The following NSMAF variants were observed in gnomAD, a reference collection of about 807,000 sequenced individuals.
The protein encoded by NSMAF is neutral sphingomyelinase activation associated factor.
In NSMAF, 90 loss-of-function variants were observed where a neutral mutation model predicts 134.9. That is an observed-to-expected ratio of 0.67 (90% CI 0.56 to 0.79). The LOEUF (loss-of-function observed/expected upper bound fraction) is 0.79. Among genes scored for constraint, NSMAF ranks in the 30% least tolerant of loss-of-function variants. The pLI, the probability that NSMAF is intolerant of heterozygous loss-of-function variation, is 0.00. For synonymous variants in NSMAF, 358 were observed against 389.6 expected, an observed-to-expected ratio of 0.92 and a Z score of 0.96; for missense variants, 1,010 against 1,119.0, an observed-to-expected ratio of 0.90 and a Z score of 1.39.
chr8:58,624,549 AT>A (rs1806873591), intron 6 of NSMAF, among the ~76,000 whole-genome samples: 1 of 150,456 alleles, frequency 6.6e-6, no homozygotes, highest in South Asian at 2.1e-4. Flanking sequence ...TAATTTTCAC[AT>A]ATTCTCAGTT....
chr8:58,616,722 A>G (rs1806662454), intron 9 of NSMAF, among the ~76,000 whole-genome samples: 1 of 152,156 alleles, frequency 6.6e-6, no homozygotes. Context: ...CACCACATCT[A>G]TTAATAAAAC....
chr8:58,595,781 T>C lies in NSMAF; in HGVS notation c.1793-122A>G, dbSNP rs145050534. 8.3e-4 allele frequency: 549 copies of C among 662,060 alleles called. 2 individuals are homozygous for C. In the East Asian group the frequency reaches 0.014, roughly 17 times the overall value. The allele number at this position is 662,060 out of a possible 1,614,324, so 41.0% of individuals were successfully genotyped here. On this transcript the variant is annotated intron_variant, in intron 21 of 30. Coordinates refer to ENST00000038176, the MANE Select transcript of NSMAF (RefSeq NM_003580.4). ...AGAAATGAAACACCCTGTCACAATA[T>C]AACTGCTTTGAAATGTACCTGTTAG...
rs1806162465 is a variant in NSMAF at position 58,597,436 on chromosome 8, T to C, written c.1743A>G (p.Lys581=). 11 of 1,614,056 alleles carry C rather than the reference T, an allele frequency of 6.8e-6. No individual in the cohort carries two copies. The highest frequency in any genetic ancestry group is 9.3e-6 in the Non-Finnish European group (11 of 1,180,028). ...PHPRRITPKF[K]SLSQTSSYNA... ...TATAACTGGAGGTCTGGGACAAACT[T>C]TTAAACTTTGGGGTGATCCTTCGAG... The change falls in exon 21 of 31, where the codon AAA becomes AAG. Residue 581 remains lysine (K), a synonymous_variant. Transcript: ENST00000038176.
In NSMAF at chr8:58,595,553, T is replaced by C. The variant is rs1329595205; in HGVS notation, c.1892+7A>G. On this transcript the variant is annotated splice_region_variant and intron_variant, in intron 22 of 30. Transcript: ENST00000038176. The stretch of plus-strand genomic sequence containing the variant: ...CAGCTGCTGAGAAGAAGCAGAGATA[T>C]TCTTACTCTTTGTGGATTTTATAGT... 2 of 1,593,250 alleles carry C rather than the reference T, an allele frequency of 1.3e-6. No individual in the cohort carries two copies. The highest frequency in any genetic ancestry group is 1.7e-6 in the Non-Finnish European group (2 of 1,160,910).
At chr8:58,649,684 T>C (rs568714145) in intron 1 of NSMAF, among the ~76,000 whole-genome samples, 2 of 152,164 alleles carry the variant, frequency 1.3e-5, no homozygotes, top group Non-Finnish European at 2.9e-5. Context: ...CCGGTTGTGG[T>C]TGTTTAAAAG....
chr8:58,646,864 C>A (rs970075534), intron 1 of NSMAF, among the ~76,000 whole-genome samples: 5 of 152,150 alleles, frequency 3.3e-5, no homozygotes, highest in African/African-American at 4.8e-5. Flanking sequence ...TAGTTTAATC[C>A]TCCTTTACAG....
At chr8:58,603,707 A>C in intron 12 of NSMAF, among the ~76,000 whole-genome samples, 1 of 149,894 alleles carries the variant, frequency 6.7e-6, no homozygotes, top group Non-Finnish European at 1.5e-5. Flanking sequence ...ACAGTAACAA[A>C]GAATCCCTCC....
At chr8:58,585,151 G>C (rs1441762961) in intron 30 of NSMAF, among the ~76,000 whole-genome samples, 1 of 152,018 alleles carries the variant, frequency 6.6e-6, no homozygotes, top group African/African-American at 2.4e-5. Context: ...GAAAAACATG[G>C]GCAGAACAGT....
intron 2 of NSMAF, among the ~76,000 whole-genome samples, chr8:58,640,861 C>T (rs1446764384): frequency 1.3e-5 from 2 of 152,064 alleles, no homozygotes; most frequent in South Asian, 2.1e-4. Flanking sequence ...ACCACCACAC[C>T]TGAACTGTTT....
rs1806231060 is a variant in NSMAF, at chr8:58,599,738, G to A, written c.1453+12C>T. On this transcript the variant is annotated intron_variant, in intron 18 of 30. Transcript: ENST00000038176. The stretch of plus-strand genomic sequence containing the variant: ...CATGTCTATAATACAACACCTCCAA[G>A]GGGGGACTCACTGGAAGCCCAAGGG... The A allele has an allele frequency of 6.2e-7, 1 of 1,612,476 alleles. No homozygotes were observed. The highest frequency in any genetic ancestry group is 8.5e-7 in the Non-Finnish European group (1 of 1,179,124).
At chr8:58,643,418 T>C (rs575016628) in intron 1 of NSMAF, among the ~76,000 whole-genome samples, 2 of 152,300 alleles carry the variant, frequency 1.3e-5, no homozygotes, top group South Asian at 4.1e-4. Flanking sequence ...TTGTTTCCCC[T>C]GACTGAACAA....
At chr8:58,613,594 C>T (rs1333524558) in intron 9 of NSMAF, among the ~76,000 whole-genome samples, 1 of 151,584 alleles carries the variant, frequency 6.6e-6, no homozygotes, top group Non-Finnish European at 1.5e-5. Context: ...GAAATAAATA[C>T]AGAAACAATG....
chr8:58,595,697 A>T (rs1806123411), intron 21 of NSMAF, 38 bp from the exon 22 acceptor site: 1 of 1,210,402 alleles, frequency 8.3e-7, no homozygotes, highest in Non-Finnish European at 1.2e-6. Context: ...AAGTCAACTA[A>T]GTTACCAACA....
intron 11 of NSMAF, 62 bp from the exon 12 acceptor site, chr8:58,606,097 A>G (rs1209218166): frequency 3.1e-6 from 4 of 1,295,910 alleles, no homozygotes; most frequent in Admixed American, 2.9e-5. Flanking sequence ...CAATCCCAAT[A>G]TAAGTATATA....
At chr8:58,654,368 T>C (rs1450483435) in intron 1 of NSMAF, among the ~76,000 whole-genome samples, 1 of 152,146 alleles carries the variant, frequency 6.6e-6, no homozygotes, top group Non-Finnish European at 1.5e-5. Flanking sequence ...CTGACCAACA[T>C]GGAGAAACCC....
intron 23 of NSMAF, among the ~76,000 whole-genome samples, chr8:58,592,348 A>G (rs960774125): frequency 3.3e-5 from 5 of 152,196 alleles, no homozygotes; most frequent in Non-Finnish European, 7.3e-5. Flanking sequence ...AAGAAAAAAA[A>G]AGACGTTTTT....
intron 12 of NSMAF, among the ~76,000 whole-genome samples, chr8:58,604,557 A>AAAAT (rs1554574192): frequency 3.4e-5 from 5 of 146,714 alleles, no homozygotes; most frequent in African/African-American, 7.4e-5. Flanking sequence ...AGATATATAT[A>AAAAT]ATATATATAT....
chr8:58,645,812 G>A lies in NSMAF; in HGVS notation c.60-2739C>T, dbSNP rs530524833. Reference sequence around the variant, plus strand: ...TCCCAGCACTTCGGGAGGCCAAGGCGGGCGGTTTGCCTGAGGTCAGGAGTT... The same window carrying A: ...TCCCAGCACTTCGGGAGGCCAAGGCAGGCGGTTTGCCTGAGGTCAGGAGTT... On this transcript the variant is annotated intron_variant, in intron 1 of 30. Coordinates refer to ENST00000038176, the MANE Select transcript of NSMAF (RefSeq NM_003580.4). 5.9e-5 allele frequency among the ~76,000 whole-genome samples: 9 copies of A among 152,058 alleles called. No homozygotes were observed. In the East Asian group the frequency reaches 1.2e-3, roughly 20 times the overall value.
chr8:58,587,879 G>C (rs760778061), intron 26 of NSMAF, among the ~76,000 whole-genome samples, 178 bp from the exon 27 acceptor site: 1 of 152,172 alleles, frequency 6.6e-6, no homozygotes, highest in Non-Finnish European at 1.5e-5. Context: ...ACCAGCATGT[G>C]CTTGCTTACT....
Sources: allele counts gnomAD v4.1 joint callset (sites outside exome capture counted in the v4.1 genomes callset), GRCh38; gene constraint gnomAD v4.1.1; transcripts MANE v1.5; gene names NCBI Gene and HGNC (gene_info 2026-07-23, HGNC 2026-07-21).